Variants in UGGT2 observed in about 807,000 individuals in gnomAD.
UGGT2 encodes the protein UDP-glucose:glycoprotein glucosyltransferase 2.
UGGT2 carries 180 observed loss-of-function variants against 192.1 expected under a neutral mutation model. That is an observed-to-expected ratio of 0.94 (90% CI 0.83 to 1.06). The LOEUF is 1.06. Ranked by LOEUF, UGGT2 falls within the 50% of genes least tolerant of loss-of-function variation. The pLI, the probability that UGGT2 is intolerant of heterozygous loss-of-function variation, is 0.00. For synonymous variants in UGGT2, 580 were observed against 591.0 expected (o/e 0.98, Z 0.27); for missense variants, 1,849 against 1,795.7 (o/e 1.03, Z -0.54).
chr13:95,829,900 CA>C (rs760631402), intron 38 of UGGT2, among the ~76,000 whole-genome samples: 30 of 152,122 alleles, frequency 2.0e-4, no homozygotes, highest in Non-Finnish European at 4.0e-4. Context: ...CTACAGTAAC[CA>C]AAACAGCATG....
intron 1 of UGGT2, among the ~76,000 whole-genome samples, chr13:96,051,095 A>G (rs867127442): frequency 2.0e-5 from 3 of 152,244 alleles, no homozygotes; most frequent in African/African-American, 7.2e-5. Flanking sequence ...ATGTCCGTCA[A>G]TGATAGACTG....
intron 20 of UGGT2, among the ~76,000 whole-genome samples, chr13:95,908,239 T>C (rs113513622): frequency 0.017 from 2,523 of 152,212 alleles, 69 homozygotes; most frequent in African/African-American, 0.058. Context: ...CCAAGAAATA[T>C]GGAACTATGT....
At chr13:95,830,364 T>C (rs1886526729) in intron 38 of UGGT2, among the ~76,000 whole-genome samples, 1 of 151,970 alleles carries the variant, frequency 6.6e-6, no homozygotes, top group East Asian at 1.9e-4. Context: ...TGGGAGAAAA[T>C]TTTTGCAATC....
Position 95,867,425 on chromosome 13 carries a change from T to G in UGGT2, c.3474-2A>C. On this transcript the variant is annotated splice_acceptor_variant, in intron 29 of 38. Coordinates refer to ENST00000376747, the MANE Select transcript of UGGT2 (RefSeq NM_020121.4). LOFTEE classifies it high-confidence loss of function. ...GCTTGAGAGTCAGTTCCTTCATGCC[T>G]AAAAGTAGAAAAATGTGTCCATAAT... The G allele has an allele frequency of 6.2e-7, 1 of 1,600,832 alleles. No individual in the cohort carries two copies. Among genetic ancestry groups the G allele is most frequent in the Non-Finnish European group, 8.5e-7 (1 of 1,175,302 alleles).
At chr13:95,979,573 C>T (rs1038579925) in intron 10 of UGGT2, among the ~76,000 whole-genome samples, 1 of 64,200 alleles carries the variant, frequency 1.6e-5, no homozygotes, top group Non-Finnish European at 3.6e-5. Flanking sequence ...TACAGACTTG[C>T]TTACAGAATG....
At chr13:96,052,206 G>GT (rs2053505298) in intron 1 of UGGT2, among the ~76,000 whole-genome samples, 1 of 152,196 alleles carries the variant, frequency 6.6e-6, no homozygotes. Flanking sequence ...TCTAAGTGAA[G>GT]TAAGTCAGAA....
rs373650175 is a variant in UGGT2, at chr13:95,906,858, T to G, written c.2296-3798A>C. Among the ~76,000 whole-genome samples, 97 of 152,318 alleles carry G rather than the reference T, an allele frequency of 6.4e-4. 1 individual carries two copies. The South Asian group carries it at 0.019, about 29-fold the overall frequency. On this transcript the variant is annotated intron_variant, in intron 20 of 38. Coordinates refer to ENST00000376747, the MANE Select transcript of UGGT2 (RefSeq NM_020121.4). ...CAGCTCCAGTCTGCAGCTCCCAGTGTGACCGATGCAGCAGATGGGTGATTC... is the reference window on the plus strand; with the variant it reads ...CAGCTCCAGTCTGCAGCTCCCAGTGGGACCGATGCAGCAGATGGGTGATTC...
chr13:95,965,423 G>A (rs1406300981), intron 12 of UGGT2, among the ~76,000 whole-genome samples: 1 of 151,854 alleles, frequency 6.6e-6, no homozygotes, highest in East Asian at 1.9e-4. Flanking sequence ...AAAAAATGAT[G>A]AGTTCATGTC....
chr13:95,887,461 C>G, intron 26 of UGGT2: 1 of 327,404 alleles, frequency 3.1e-6, no homozygotes, highest in Non-Finnish European at 6.1e-6. Flanking sequence ...TTATAAACAA[C>G]ACTTTTTTAT....
At chr13:95,825,446 C>T (rs1885930253) in intron 38 of UGGT2, among the ~76,000 whole-genome samples, 2 of 152,106 alleles carry the variant, frequency 1.3e-5, no homozygotes, top group Admixed American at 1.3e-4. Flanking sequence ...CTATCCAACT[C>T]CCAGACTCAC....
intron 3 of UGGT2, 127 bp downstream of exon 3, chr13:96,023,502 A>G (rs2052574997): frequency 2.2e-6 from 2 of 889,496 alleles, no homozygotes; most frequent in Non-Finnish European, 3.1e-6. Context: ...AATATAATCA[A>G]TGATAGGCTA....
intron 10 of UGGT2, among the ~76,000 whole-genome samples, chr13:95,980,865 C>T (rs562833697): frequency 3.9e-5 from 6 of 152,164 alleles, no homozygotes; most frequent in East Asian, 1.9e-4. Flanking sequence ...GGTGTGGTGG[C>T]GTGTACCTGT....
chr13:96,024,494 T>C (rs1316476891), intron 2 of UGGT2, among the ~76,000 whole-genome samples: 1 of 152,218 alleles, frequency 6.6e-6, no homozygotes, highest in African/African-American at 2.4e-5. Context: ...CAGAACTTTC[T>C]GTCTGTGCCC....
intron 36 of UGGT2, among the ~76,000 whole-genome samples, chr13:95,844,673 T>C (rs1888209696): frequency 6.6e-6 from 1 of 152,260 alleles, no homozygotes; most frequent in African/African-American, 2.4e-5. Context: ...TTCTAGCTTT[T>C]TGGTAGATTA....
intron 38 of UGGT2, among the ~76,000 whole-genome samples, chr13:95,828,166 A>T (rs1291387231): frequency 1.3e-5 from 2 of 152,122 alleles, no homozygotes; most frequent in Non-Finnish European, 2.9e-5. Context: ...GACACACTTA[A>T]AGCAGTGTGT....
chr13:95,970,368 CTTCA>C (rs1188552651), intron 11 of UGGT2, 106 bp from the exon 12 acceptor site: 3 of 998,750 alleles, frequency 3.0e-6, no homozygotes, highest in Non-Finnish European at 4.4e-6. Context: ...TTTTTGGTAT[CTTCA>C]TTAATAGCAG....
intron 38 of UGGT2, among the ~76,000 whole-genome samples, chr13:95,811,521 T>A (rs1474640259): frequency 6.6e-6 from 1 of 152,162 alleles, no homozygotes; most frequent in Non-Finnish European, 1.5e-5. Flanking sequence ...GTAGTGAATA[T>A]GTTCTAATTT....
Position 95,832,883 on chromosome 13 carries a change from A to G in UGGT2, c.4528+44T>C, listed in dbSNP as rs1400666005. Reference sequence around the variant, plus strand: ...GTCTGTAGTCTATTCTAATCTCATTAATGCAACGCATGTTTCAGACATCAC... The same window carrying G: ...GTCTGTAGTCTATTCTAATCTCATTGATGCAACGCATGTTTCAGACATCAC... On this transcript the variant is annotated intron_variant, in intron 38 of 38. Coordinates refer to ENST00000376747, the MANE Select transcript of UGGT2 (RefSeq NM_020121.4). 3 of 1,604,358 alleles carry G rather than the reference A, an allele frequency of 1.9e-6. No individual in the cohort carries two copies. The East Asian group carries it at 6.7e-5, about 36-fold the overall frequency.
intron 5 of UGGT2, among the ~76,000 whole-genome samples, chr13:96,005,962 A>C (rs922007061): frequency 9.2e-5 from 14 of 152,182 alleles, no homozygotes; most frequent in Non-Finnish European, 1.9e-4. Flanking sequence ...CATACATGAA[A>C]GGCATGGCCT....
Sources: allele counts gnomAD v4.1 joint callset (sites outside exome capture counted in the v4.1 genomes callset), GRCh38; gene constraint gnomAD v4.1.1; transcripts MANE v1.5; gene names NCBI Gene and HGNC (gene_info 2026-07-23, HGNC 2026-07-21).